Variants in RAB40C observed in about 807,000 individuals in gnomAD.
The protein encoded by RAB40C is RAB40C, member RAS oncogene family, also known as ras-related protein Rab-40C.
A neutral mutation model predicts 28.1 loss-of-function variants in RAB40C; 8 were observed. That is an observed-to-expected ratio of 0.28 (90% CI 0.17 to 0.51). The LOEUF is 0.51. RAB40C is among the 20% of genes least tolerant of loss of function. The probability of loss-of-function intolerance (pLI) is 0.97; values close to 1 mark genes in which losing one functional copy is unlikely to be tolerated. For synonymous variants in RAB40C, 201 were observed against 171.7 expected, an observed-to-expected ratio of 1.17 and a Z score of -1.34; for missense variants, 288 against 405.9, an observed-to-expected ratio of 0.71 and a Z score of 2.50.
Position 602,091 on chromosome 16 carries a change from A to C in RAB40C, c.142+11658A>C, listed in dbSNP as rs1252046486. ...CAGTGAGCCGAGATTGCACCACTGC[A>C]CTCCAGCCTGGGCAACAGCTCTCAA... is the stretch of plus-strand genomic sequence containing the variant. On this transcript the variant is annotated intron_variant, in intron 1 of 5. Transcript: ENST00000248139. 3.9e-5 allele frequency among the ~76,000 whole-genome samples: 6 copies of C among 152,232 alleles called. 1 individual carries two copies. The South Asian group carries it at 6.2e-4, about 16-fold the overall frequency.
At position 628,598 on chromosome 16, in the gene RAB40C, C is replaced by T. The variant is rs1304633110; in HGVS notation, c.*976C>T. The T allele has an allele frequency of 6.6e-6, 1 of 152,434 alleles. No individual in the cohort carries two copies. The highest frequency in any genetic ancestry group is 1.9e-4 in the East Asian group (1 of 5,192). The allele number at this position is 152,434 out of a possible 1,614,324, so 9.4% of individuals were successfully genotyped here. On this transcript the variant is annotated 3_prime_UTR_variant, in exon 6 of 6. Coordinates refer to ENST00000248139, the MANE Select transcript of RAB40C (RefSeq NM_021168.5). ...CCACCTCGTCCACGTCCACGTCCAC[C>T]TGGGGGCCTCGGGAGGCTAGGCCCC...
intron 1 of RAB40C, among the ~76,000 whole-genome samples, chr16:615,967 A>G (rs1181007315): frequency 6.6e-6 from 1 of 151,520 alleles, no homozygotes; most frequent in Non-Finnish European, 1.5e-5. Context: ...ATCTCAAAAA[A>G]GAAAAAAAGG....
intron 3 of RAB40C, chr16:624,112 T>C (rs1347113286): frequency 1.4e-5 from 14 of 985,440 alleles, no homozygotes; most frequent in Non-Finnish European, 1.6e-5. Flanking sequence ...GACATTTAAT[T>C]TGTGTCTGGC....
chr16:594,141 C>T (rs1472492301), intron 1 of RAB40C, among the ~76,000 whole-genome samples: 2 of 152,198 alleles, frequency 1.3e-5, no homozygotes, highest in African/African-American at 2.4e-5. Flanking sequence ...CCCTCGGCAC[C>T]GTGTCCCCAC....
chr16:591,293 G>C (rs952348072), intron 1 of RAB40C, among the ~76,000 whole-genome samples: 1 of 151,250 alleles, frequency 6.6e-6, no homozygotes, highest in Admixed American at 6.6e-5. Flanking sequence ...AAGGCATCAT[G>C]GTCCTAAGGG....
At chr16:604,224 G>A (rs4247097) in intron 1 of RAB40C, among the ~76,000 whole-genome samples, 70,182 of 148,772 alleles carry the variant, frequency 0.47, 16,632 homozygotes, top group East Asian at 0.64. Flanking sequence ...CCGGCTCAGA[G>A]CTAGTTCTTT....
chr16:625,713 G>T (rs138290883), intron 4 of RAB40C, 186 bp from the exon 5 acceptor site: 5 of 822,526 alleles, frequency 6.1e-6, no homozygotes, highest in East Asian at 2.7e-5. Flanking sequence ...CAGGAGCTAC[G>T]GGGCCACCCG....
chr16:598,024 A>T (rs556983231), intron 1 of RAB40C, among the ~76,000 whole-genome samples: 1 of 151,638 alleles, frequency 6.6e-6, no homozygotes, highest in African/African-American at 2.4e-5. Flanking sequence ...AGGTGGGTGA[A>T]TCACGAGGTC....
At chr16:612,763 A>AC (rs1443967379) in intron 1 of RAB40C, among the ~76,000 whole-genome samples, 7 of 14,826 alleles carry the variant, frequency 4.7e-4, no homozygotes, top group East Asian at 5.2e-3. Flanking sequence ...AATCAAGAGC[A>AC]GGGACAGCCG....
Position 625,903 on chromosome 16 carries a change from C to T in RAB40C, c.347C>T (p.Ala116Val). The part of the protein sequence containing the change: ...DRWIKEIDEH[A>V]PGVPRILVGN... Reference sequence around the variant, plus strand: ...TGCTGAGTTCTGTGCCCCCAGCATGCACCCGGAGTCCCCCGGATCTTGGTT... The same window carrying T: ...TGCTGAGTTCTGTGCCCCCAGCATGTACCCGGAGTCCCCCGGATCTTGGTT... Residue 116 changes from alanine to valine, a missense_variant, in exon 5 of 6, where the codon GCA becomes GTA. By Grantham distance (64) the Ala-to-Val change is moderately conservative. This residue lies in a region of RAB40C where 153 missense variants were observed against 262.4 expected (regional missense o/e 0.58). Coordinates refer to ENST00000248139, the MANE Select transcript of RAB40C (RefSeq NM_021168.5). 6.2e-7 allele frequency: 1 copy of T among 1,611,822 alleles called. No individual in the cohort carries two copies. Among genetic ancestry groups the T allele is most frequent in the Non-Finnish European group, 8.5e-7 (1 of 1,179,258 alleles).
At chr16:601,113 T>C (rs2384976) in intron 1 of RAB40C, among the ~76,000 whole-genome samples, 26,677 of 152,114 alleles carry the variant, frequency 0.18, 2,547 homozygotes, top group South Asian at 0.26. Flanking sequence ...GTTCAGTAAA[T>C]GGGCCTGCTG....
chr16:611,404 C>T (rs903418002), intron 1 of RAB40C, among the ~76,000 whole-genome samples: 3 of 152,232 alleles, frequency 2.0e-5, no homozygotes, highest in Admixed American at 1.3e-4. Context: ...TTGTGGCAAT[C>T]GTGGTGTCCA....
intron 5 of RAB40C, 44 bp downstream of exon 5, chr16:626,165 G>T: frequency 6.4e-7 from 1 of 1,560,064 alleles, no homozygotes; most frequent in South Asian, 1.1e-5. Context: ...CCCGAACCTG[G>T]GCTGCCCTGA....
At chr16:608,053 C>T (rs1033826807) in intron 1 of RAB40C, among the ~76,000 whole-genome samples, 1 of 152,140 alleles carries the variant, frequency 6.6e-6, no homozygotes, top group African/African-American at 2.4e-5. Flanking sequence ...ATGTACTCAC[C>T]TGTTCTCACG....
chr16:608,083 C>G (rs754442714), intron 1 of RAB40C, among the ~76,000 whole-genome samples: 15 of 152,176 alleles, frequency 9.9e-5, no homozygotes, highest in Non-Finnish European at 2.1e-4. Context: ...AGAAATACCC[C>G]AGACTGGGTC....
chr16:622,406 ACGT>A (rs71843151), intron 3 of RAB40C, among the ~76,000 whole-genome samples: 4,498 of 152,252 alleles, frequency 0.03, 244 homozygotes, highest in African/African-American at 0.1. Context: ...CACCGTGGAC[ACGT>A]CTGTAGACGC....
chr16:607,536 G>T (rs2036386675), intron 1 of RAB40C, among the ~76,000 whole-genome samples: 1 of 151,492 alleles, frequency 6.6e-6, no homozygotes, highest in Non-Finnish European at 1.5e-5. Flanking sequence ...GGGCGCGGTG[G>T]CTCACGCCTG....
chr16:625,571 C>T (rs905320834), intron 4 of RAB40C, 62 bp downstream of exon 4: 39 of 1,532,828 alleles, frequency 2.5e-5, no homozygotes, highest in African/African-American at 1.6e-4. Context: ...ACCTGGGCCC[C>T]GGGTAGGCTC....
At chr16:593,395 C>T (rs2036042870) in intron 1 of RAB40C, among the ~76,000 whole-genome samples, 1 of 152,252 alleles carries the variant, frequency 6.6e-6, no homozygotes, top group South Asian at 2.1e-4. Context: ...ACGTGTTAAC[C>T]TCCATTGCTT....
Sources: gnomAD v4.1 joint callset for allele counts (sites outside exome capture counted in the v4.1 genomes callset) on GRCh38, gnomAD v4.1.1 for gene constraint, gnomAD v4.1.1 regional missense constraint, MANE v1.5 for transcripts, NCBI Gene and HGNC (gene_info 2026-07-23, HGNC 2026-07-21) for gene names.